Variants in CSGALNACT1 observed in about 807,000 individuals in gnomAD.
CSGALNACT1 encodes the protein chondroitin sulfate N-acetylgalactosaminyltransferase 1.
CSGALNACT1 carries 52 observed loss-of-function variants against 51.0 expected under a neutral mutation model. The ratio of observed to expected loss-of-function variants is 1.02; its 90% CI spans 0.82 to 1.29. The LOEUF (loss-of-function observed/expected upper bound fraction) is 1.29, where lower values mean the gene tolerates loss of function less well. Ranked by LOEUF, CSGALNACT1 falls within the 50% of genes most tolerant of loss-of-function variation. The pLI, the probability that CSGALNACT1 is intolerant of heterozygous loss-of-function variation, is 0.00. For synonymous variants in CSGALNACT1, 341 were observed against 254.4 expected, an observed-to-expected ratio of 1.34 and a Z score of -3.24; for missense variants, 935 against 679.2, an observed-to-expected ratio of 1.38 and a Z score of -4.19.
intron 1 of CSGALNACT1, among the ~76,000 whole-genome samples, chr8:19,679,698 A>G (rs1000138383): frequency 1.1e-4 from 16 of 152,186 alleles, no homozygotes; most frequent in Middle Eastern, 3.2e-3. Flanking sequence ...TGTGCCATCA[A>G]TATTCACCAG....
intron 3 of CSGALNACT1, among the ~76,000 whole-genome samples, chr8:19,515,948 G>T (rs2975473): frequency 3.3e-5 from 5 of 152,120 alleles, no homozygotes; most frequent in Non-Finnish European, 7.4e-5. Context: ...CAGGTGTACA[G>T]AATAAAGACG....
chr8:19,653,439 G>T (rs1251046524), intron 1 of CSGALNACT1, among the ~76,000 whole-genome samples: 4 of 152,054 alleles, frequency 2.6e-5, no homozygotes, highest in Admixed American at 2.6e-4. Context: ...GGCCTACCCT[G>T]CACCCTCATC....
At chr8:19,689,622 A>C (rs1356722813) in intron 1 of CSGALNACT1, among the ~76,000 whole-genome samples, 1 of 152,298 alleles carries the variant, frequency 6.6e-6, no homozygotes, top group East Asian at 1.9e-4. Flanking sequence ...CTATGTATTA[A>C]ACTATTAAGA....
intron 8 of CSGALNACT1, among the ~76,000 whole-genome samples, chr8:19,414,710 A>T (rs2056537944): frequency 6.6e-6 from 1 of 152,200 alleles, no homozygotes; most frequent in South Asian, 2.1e-4. Context: ...TACATTGACT[A>T]ATGTGATCCT....
chr8:19,558,022 T>C (rs2154092762), intron 3 of CSGALNACT1, among the ~76,000 whole-genome samples: 1 of 152,330 alleles, frequency 6.6e-6, no homozygotes, highest in East Asian at 1.9e-4. Context: ...AATAAATGCC[T>C]TTCTGATTTT....
intron 3 of CSGALNACT1, among the ~76,000 whole-genome samples, chr8:19,554,716 A>G (rs1245143147): frequency 1.3e-5 from 2 of 152,068 alleles, no homozygotes; most frequent in Non-Finnish European, 2.9e-5. Context: ...TCAGGAGTTC[A>G]AGACCAGCCT....
At chr8:19,513,639 T>G (rs1444664603) in intron 3 of CSGALNACT1, among the ~76,000 whole-genome samples, 3 of 151,882 alleles carry the variant, frequency 2.0e-5, no homozygotes, top group Non-Finnish European at 2.9e-5. Context: ...TCAGGCAATT[T>G]TGTTGTTGTG....
intron 1 of CSGALNACT1, among the ~76,000 whole-genome samples, chr8:19,679,219 G>A (rs148793294): frequency 1.6e-4 from 25 of 152,242 alleles, no homozygotes; most frequent in East Asian, 3.9e-4. Context: ...TTGGGAGGCC[G>A]AGTAACGTGG....
chr8:19,727,294 T>C (rs907573500), intron 1 of CSGALNACT1, among the ~76,000 whole-genome samples: 8 of 151,546 alleles, frequency 5.3e-5, no homozygotes, highest in African/African-American at 1.9e-4. Flanking sequence ...AGGCTGCACC[T>C]AGTAATTACA....
chr8:19,702,501 A>G (rs1424590725), intron 1 of CSGALNACT1, among the ~76,000 whole-genome samples: 1 of 151,690 alleles, frequency 6.6e-6, no homozygotes, highest in African/African-American at 2.4e-5. Context: ...GTCAGGGTCT[A>G]TGTCTCTAAA....
chr8:19,670,653 A>ACC (rs2059727879), intron 1 of CSGALNACT1, among the ~76,000 whole-genome samples: 1 of 74,124 alleles, frequency 1.3e-5, no homozygotes, highest in Non-Finnish European at 3.4e-5. Context: ...CTGAAGACAA[A>ACC]AAAAAAAAAA....
At chr8:19,465,455 A>C (rs2066457503) in intron 4 of CSGALNACT1, among the ~76,000 whole-genome samples, 1 of 152,196 alleles carries the variant, frequency 6.6e-6, no homozygotes, top group Non-Finnish European at 1.5e-5. Context: ...CAATGTACTT[A>C]AGGCCACTGA....
At chr8:19,524,094 G>A (rs1182513099) in intron 3 of CSGALNACT1, among the ~76,000 whole-genome samples, 5 of 152,186 alleles carry the variant, frequency 3.3e-5, no homozygotes, top group Non-Finnish European at 7.3e-5. Flanking sequence ...AGGAGTTTGA[G>A]ACAAGCCTGG....
At chr8:19,425,238 G>A (rs1292991693) in intron 6 of CSGALNACT1, among the ~76,000 whole-genome samples, 1 of 152,192 alleles carries the variant, frequency 6.6e-6, no homozygotes, top group African/African-American at 2.4e-5. Flanking sequence ...CTACTTGGGA[G>A]GCTGAGGCAG....
chr8:19,553,174 A>C lies in CSGALNACT1; in HGVS notation c.-297+37986T>G, dbSNP rs974541937. On this transcript the variant is annotated intron_variant, in intron 3 of 9. Transcript: ENST00000454498. The stretch of plus-strand genomic sequence containing the variant: ...GAAACAAAACAACATTTCTAAAAAC[A>C]AGTGTAAGATAATACCTTCATGACC... Among the ~76,000 whole-genome samples, 3 of 152,206 alleles carry C rather than the reference A, an allele frequency of 2.0e-5. No individual in the cohort carries two copies. The East Asian group carries it at 5.8e-4, about 29-fold the overall frequency.
At chr8:19,421,698 C>G (rs2057966663) in intron 6 of CSGALNACT1, among the ~76,000 whole-genome samples, 1 of 152,210 alleles carries the variant, frequency 6.6e-6, no homozygotes, top group Admixed American at 6.5e-5. Context: ...GAGTCATAAA[C>G]TTTTAAAATG....
At chr8:19,561,715 C>T (rs1046911732) in intron 3 of CSGALNACT1, among the ~76,000 whole-genome samples, 7 of 152,286 alleles carry the variant, frequency 4.6e-5, no homozygotes, top group African/African-American at 1.7e-4. Context: ...GACCTTGTTA[C>T]TAGAAACTAG....
chr8:19,587,649 C>G (rs1393041565), intron 3 of CSGALNACT1, among the ~76,000 whole-genome samples: 1 of 152,162 alleles, frequency 6.6e-6, no homozygotes, highest in Non-Finnish European at 1.5e-5. Flanking sequence ...TTATTACATA[C>G]AGATGCCCTT....
chr8:19,597,296 T>C (rs2049147504), intron 2 of CSGALNACT1, among the ~76,000 whole-genome samples: 1 of 130,176 alleles, frequency 7.7e-6, no homozygotes, highest in Non-Finnish European at 1.6e-5. Flanking sequence ...TTTTTTTTTT[T>C]TTTTTTTTTT....
Sources: allele counts gnomAD v4.1 joint callset (sites outside exome capture counted in the v4.1 genomes callset), GRCh38; gene constraint gnomAD v4.1.1; transcripts MANE v1.5; gene names NCBI Gene and HGNC (gene_info 2026-07-23, HGNC 2026-07-21).